PRMT8: variants seen among roughly 807,000 people sequenced by gnomAD.
PRMT8 encodes protein arginine N-methyltransferase 8.
Under a neutral mutation model 47.1 loss-of-function variants are expected in PRMT8, and 7 were observed. That is an observed-to-expected ratio of 0.15 (90% CI 0.08 to 0.28). The LOEUF is 0.28. Among genes scored for constraint, PRMT8 ranks in the 10% least tolerant of loss-of-function variants. The probability of loss-of-function intolerance (pLI) is 1.00; values close to 1 mark genes in which losing one functional copy is unlikely to be tolerated. For synonymous variants in PRMT8, 188 were observed against 186.5 expected (o/e 1.01, Z -0.07); for missense variants, 237 against 505.4 (o/e 0.47, Z 5.09).
At chr12:3,579,122 T>C (rs1294669417) in intron 7 of PRMT8, among the ~76,000 whole-genome samples, 1 of 152,220 alleles carries the variant, frequency 6.6e-6, no homozygotes, top group Non-Finnish European at 1.5e-5. Context: ...AGCTCACCCA[T>C]AGTACAAGGC....
chr12:3,498,402 G>A (rs576696845), intron 1 of PRMT8, among the ~76,000 whole-genome samples: 94 of 152,352 alleles, frequency 6.2e-4, no homozygotes, highest in African/African-American at 2.1e-3. Flanking sequence ...GGTGAATTTG[G>A]AAGAAGCCTA....
chr12:3,485,076 T>A (rs1865309732), intron 1 of PRMT8, among the ~76,000 whole-genome samples: 1 of 152,132 alleles, frequency 6.6e-6, no homozygotes, highest in Non-Finnish European at 1.5e-5. Flanking sequence ...AAGAGACAGG[T>A]AACTGATGCC....
chr12:3,448,735 A>G (rs1864885394), intron 1 of PRMT8, among the ~76,000 whole-genome samples: 1 of 151,902 alleles, frequency 6.6e-6, no homozygotes, highest in Non-Finnish European at 1.5e-5. Context: ...TAAAAATTTT[A>G]TTTTATTTTA....
At chr12:3,394,820 A>G (rs370024192) in intron 1 of PRMT8, among the ~76,000 whole-genome samples, 38 of 151,512 alleles carry the variant, frequency 2.5e-4, no homozygotes, top group African/African-American at 7.5e-4. Context: ...GGTAGAATTC[A>G]GCTGTGAATC....
chr12:3,552,680 A>C lies in PRMT8; in HGVS notation c.418-971A>C. ...GCCTCCTTGGATGCAGCTCTAACCA[A>C]GTGACCCCTTCTGACCCCGTAGGTG... On this transcript the variant is annotated intron_variant, in intron 3 of 9. Transcript: ENST00000382622. The surrounding 1 kb of genome is among the most constrained non-coding windows in gnomAD (Gnocchi z 4.5). 1 of 457,400 alleles carries C rather than the reference A, an allele frequency of 2.2e-6. No individual in the cohort carries two copies. The highest frequency in any genetic ancestry group is 1.6e-5 in the South Asian group (1 of 64,484). 28.3% of individuals were successfully genotyped at this position (457,400 alleles called of 1,614,324 possible).
At chr12:3,465,169 ATATT>A (rs1238414913) in intron 1 of PRMT8, among the ~76,000 whole-genome samples, 5 of 143,952 alleles carry the variant, frequency 3.5e-5, no homozygotes, top group African/African-American at 1.3e-4. Context: ...AAAAAAATAT[ATATT>A]TATATATATA....
chr12:3,530,605 C>T (rs572608550), intron 1 of PRMT8, among the ~76,000 whole-genome samples: 1 of 152,264 alleles, frequency 6.6e-6, no homozygotes, highest in South Asian at 2.1e-4. Flanking sequence ...ATATCAATCC[C>T]ATAATGCCCA....
At chr12:3,553,560 C>G (rs1281037276) in intron 3 of PRMT8, 91 bp from the exon 4 acceptor site, 15 of 1,127,932 alleles carry the variant, frequency 1.3e-5, no homozygotes, top group Non-Finnish European at 2.0e-5. Flanking sequence ...CCACCCCTGT[C>G]TGGGCCTCAG....
chr12:3,429,376 A>G (rs1195178543), intron 1 of PRMT8, among the ~76,000 whole-genome samples: 17 of 152,044 alleles, frequency 1.1e-4, no homozygotes, highest in Non-Finnish European at 1.5e-5. Flanking sequence ...CCTTTCTTGA[A>G]ATTTTTCAAC....
intron 1 of PRMT8, among the ~76,000 whole-genome samples, chr12:3,466,780 TA>T (rs1321440327): frequency 6.6e-6 from 1 of 152,202 alleles, no homozygotes; most frequent in African/African-American, 2.4e-5. Flanking sequence ...AAAGTTTGTT[TA>T]ATGTCTCCTG....
intron 1 of PRMT8, among the ~76,000 whole-genome samples, chr12:3,428,312 G>T (rs926377813): frequency 2.0e-5 from 3 of 149,390 alleles, no homozygotes; most frequent in South Asian, 2.1e-4. Context: ...GCTACCTTTT[G>T]TCCCCGCTTT....
intron 7 of PRMT8, among the ~76,000 whole-genome samples, chr12:3,578,845 A>G (rs895879831): frequency 6.6e-6 from 1 of 152,128 alleles, no homozygotes; most frequent in Non-Finnish European, 1.5e-5. Context: ...TCACAGGGCA[A>G]ATAAACCTAG....
chr12:3,543,255 C>A (rs1298436193), intron 2 of PRMT8, among the ~76,000 whole-genome samples: 2 of 152,194 alleles, frequency 1.3e-5, no homozygotes, highest in Non-Finnish European at 2.9e-5. Context: ...CCCGAGGTCT[C>A]CTTTTACCCT....
Position 3,554,707 on chromosome 12 carries a change from T to C in PRMT8, c.481+993T>C, listed in dbSNP as rs368200855. ...AAAAAGAGGCCAGGTTGGGAAGGAA[T>C]CTGATTTCAGTGTCCCTCCTGAGGG... On this transcript the variant is annotated intron_variant, in intron 4 of 9. Coordinates refer to ENST00000382622, the MANE Select transcript of PRMT8 (RefSeq NM_019854.5). Among the ~76,000 whole-genome samples, 12 of 152,228 alleles carry C rather than the reference T, an allele frequency of 7.9e-5. 1 individual carries two copies. The highest frequency in any genetic ancestry group is 3.3e-4 in the Admixed American group (5 of 15,300).
intron 1 of PRMT8, among the ~76,000 whole-genome samples, chr12:3,459,397 G>T (rs1016388625): frequency 6.6e-6 from 1 of 152,070 alleles, no homozygotes; most frequent in African/African-American, 2.4e-5. Context: ...CTCGATCGAG[G>T]GGAAGCTCCT....
chr12:3,381,388 A>G, exon 1 of PRMT8: 1 of 1,536,084 alleles, frequency 6.5e-7, no homozygotes, highest in Non-Finnish European at 8.7e-7. Context: ...AATGTGTGCC[A>G]GGTTGAATGG....
rs1867354637 is a variant in PRMT8 at position 3,593,381 on chromosome 12, C to T, written c.*199C>T. ...AGGCCTCCAGCTCCTCCGCTCTGCC[C>T]TGGTAGCCCTTCACGAAGGCTTTGT... is the stretch of plus-strand genomic sequence containing the variant. On this transcript the variant is annotated 3_prime_UTR_variant, in exon 10 of 10. Coordinates refer to ENST00000382622, the MANE Select transcript of PRMT8 (RefSeq NM_019854.5). The surrounding 1 kb of genome is among the most constrained non-coding windows in gnomAD (Gnocchi z 4.8). The T allele has an allele frequency of 1.3e-5, 7 of 559,498 alleles. No homozygotes were observed. The highest frequency in any genetic ancestry group is 2.2e-5 in the Non-Finnish European group (7 of 320,118). The allele number at this position is 559,498 out of a possible 1,614,324, so 34.7% of individuals were successfully genotyped here.
At chr12:3,474,810 AG>A (rs1865194727) in intron 1 of PRMT8, among the ~76,000 whole-genome samples, 1 of 152,200 alleles carries the variant, frequency 6.6e-6, no homozygotes, top group Non-Finnish European at 1.5e-5. Context: ...CCTCAAGGGT[AG>A]GAATCATGTC....
At chr12:3,439,974 G>C (rs1864781891) in intron 1 of PRMT8, among the ~76,000 whole-genome samples, 2 of 152,194 alleles carry the variant, frequency 1.3e-5, no homozygotes, top group Admixed American at 1.3e-4. Context: ...CTGGGTGTTA[G>C]GACCTCGGGC....
Sources: gnomAD v4.1 joint callset for allele counts (sites outside exome capture counted in the v4.1 genomes callset) on GRCh38, gnomAD v4.1.1 for gene constraint, Gnocchi (gnomAD v3.1) non-coding constraint, MANE v1.5 for transcripts, NCBI Gene and HGNC (gene_info 2026-07-23, HGNC 2026-07-21) for gene names.